The following B3GNT2 variants were observed in gnomAD, a reference collection of about 807,000 sequenced individuals.
B3GNT2 encodes UDP-GlcNAc:betaGal beta-1,3-N-acetylglucosaminyltransferase 2, also known as N-acetyllactosaminide beta-1,3-N-acetylglucosaminyltransferase 2.
In B3GNT2, 12 loss-of-function variants were observed where a neutral mutation model predicts 27.6. The observed-to-expected ratio is 0.44, with a 90% CI of 0.28 to 0.71. The LOEUF (loss-of-function observed/expected upper bound fraction) is 0.71. Ranked by LOEUF, B3GNT2 falls within the 30% of genes least tolerant of loss-of-function variation. The pLI is 0.17. For missense variants in B3GNT2, 413 were observed against 488.5 expected (o/e 0.85, Z 1.46); for synonymous variants, 192 against 189.7 (o/e 1.01, Z -0.10).
At position 62,197,699 on chromosome 2, in the gene B3GNT2, G is replaced by A. The variant is rs113435414; in HGVS notation, c.-10+1344G>A. Among the ~76,000 whole-genome samples, 1,074 of 152,342 alleles carry A rather than the reference G, an allele frequency of 7.0e-3. 11 individuals are homozygous for A. Among genetic ancestry groups the A allele is most frequent in the African/African-American group, 0.024 (1,005 of 41,564 alleles). ...TATAATTATTTGTGCCTCTGGAGGT[G>A]GTAAACGAGGTGGCCGACAGGGCCG... On this transcript the variant is annotated intron_variant, in intron 1 of 1. Transcript: ENST00000301998.
chr2:62,198,788 A>G (rs186832167), intron 1 of B3GNT2, among the ~76,000 whole-genome samples: 27 of 152,292 alleles, frequency 1.8e-4, no homozygotes, highest in Admixed American at 1.6e-3. Context: ...TATACTGTTC[A>G]GATATGTGGT....
intron 1 of B3GNT2, among the ~76,000 whole-genome samples, chr2:62,215,025 A>G (rs1296093613): frequency 2.6e-5 from 4 of 152,096 alleles, no homozygotes; most frequent in African/African-American, 9.7e-5. Flanking sequence ...TTTGAAGAAT[A>G]CTTCTAGTGG....
intron 1 of B3GNT2, among the ~76,000 whole-genome samples, chr2:62,203,994 C>T (rs1674320974): frequency 6.6e-6 from 1 of 152,176 alleles, no homozygotes; most frequent in Non-Finnish European, 1.5e-5. Context: ...GAAGATATTT[C>T]TATGGACCAT....
chr2:62,222,361 G>C lies in B3GNT2; in HGVS notation c.141G>C (p.Lys47Asn). ...GGGAAGTAATAATACCCAAAGAGAA[G>C]TTCTGGAAGATATCTACCCCTCCCG... The part of the protein sequence containing the change: ...GKGEVIIPKE[K>N]FWKISTPPEA... Residue 47 changes from lysine (K) to asparagine (N), a missense_variant, in exon 2 of 2, where the codon AAG becomes AAC. By Grantham distance (94) the Lys-to-Asn change is moderately conservative. Coordinates refer to ENST00000301998, the MANE Select transcript of B3GNT2 (RefSeq NM_006577.6). The surrounding 1 kb of genome is among the most constrained non-coding windows in gnomAD (Gnocchi z 4.2). 1 of 1,614,108 alleles carries C rather than the reference G, an allele frequency of 6.2e-7. No individual in the cohort carries two copies. Among genetic ancestry groups the C allele is most frequent in the Non-Finnish European group, 8.5e-7 (1 of 1,180,022 alleles).
At chr2:62,196,604 A>G (rs1358127998) in intron 1 of B3GNT2, among the ~76,000 whole-genome samples, 3 of 152,116 alleles carry the variant, frequency 2.0e-5, no homozygotes, top group African/African-American at 7.2e-5. Flanking sequence ...ACCCAACCTC[A>G]GCCCAGAGGG....
At chr2:62,207,249 G>T (rs1342891394) in intron 1 of B3GNT2, among the ~76,000 whole-genome samples, 1 of 151,874 alleles carries the variant, frequency 6.6e-6, no homozygotes, top group East Asian at 1.9e-4. Context: ...GCACGATCTG[G>T]GTACACCGCA....
chr2:62,197,460 G>T (rs1674176236), intron 1 of B3GNT2, among the ~76,000 whole-genome samples: 1 of 152,170 alleles, frequency 6.6e-6, no homozygotes, highest in Non-Finnish European at 1.5e-5. Context: ...TGCCCAAAAC[G>T]TAGGGGTGGT....
intron 1 of B3GNT2, among the ~76,000 whole-genome samples, chr2:62,216,604 A>G (rs1401976258): frequency 1.3e-5 from 2 of 151,656 alleles, no homozygotes; most frequent in Non-Finnish European, 2.9e-5. Flanking sequence ...GGGTCTCGCT[A>G]TGTTGCCCAG....
At chr2:62,196,834 C>G (rs1674153353) in intron 1 of B3GNT2, among the ~76,000 whole-genome samples, 1 of 152,012 alleles carries the variant, frequency 6.6e-6, no homozygotes, top group Middle Eastern at 3.4e-3. Context: ...CGCGTGATTC[C>G]TCGCTCGCAC....
chr2:62,197,243 C>T (rs1446061235), intron 1 of B3GNT2, among the ~76,000 whole-genome samples: 2 of 151,994 alleles, frequency 1.3e-5, no homozygotes, highest in African/African-American at 4.8e-5. Flanking sequence ...GCACGGCAGG[C>T]GGACCCTTCT....
intron 1 of B3GNT2, among the ~76,000 whole-genome samples, chr2:62,211,187 C>G (rs1405699011): frequency 6.6e-6 from 1 of 152,104 alleles, no homozygotes; most frequent in Non-Finnish European, 1.5e-5. Context: ...AAAACCCTGT[C>G]TCCACAAAAA....
In B3GNT2 at chr2:62,222,784, G is replaced by T; in HGVS notation, c.564G>T (p.Glu188Asp). Reference protein sequence around the residue: ...RVFLLGQTPPEDNHPDLSDML... With the variant: ...RVFLLGQTPPDDNHPDLSDML... ...TCCTGCTGGGCCAGACACCCCCAGA[G>T]GACAACCACCCCGACCTTTCAGATA... Residue 188 changes from glutamate to aspartate, a missense_variant, in exon 2 of 2, where the codon GAG (glutamate) becomes GAT (aspartate). By Grantham distance (45) the Glu-to-Asp change is conservative (BLOSUM62 2). Coordinates refer to ENST00000301998, the MANE Select transcript of B3GNT2 (RefSeq NM_006577.6). The surrounding 1 kb of genome is among the most constrained non-coding windows in gnomAD (Gnocchi z 4.2). 2 of 1,614,158 alleles carry T rather than the reference G, an allele frequency of 1.2e-6. No individual in the cohort carries two copies. Among genetic ancestry groups the T allele is most frequent in the Non-Finnish European group, 1.7e-6 (2 of 1,180,034 alleles).
At chr2:62,208,307 A>G (rs1320317996) in intron 1 of B3GNT2, among the ~76,000 whole-genome samples, 2 of 149,782 alleles carry the variant, frequency 1.3e-5, no homozygotes, top group African/African-American at 2.5e-5. Flanking sequence ...CACTTGTACA[A>G]GGTCACTTGG....
chr2:62,208,488 G>A (rs755115113), intron 1 of B3GNT2, among the ~76,000 whole-genome samples: 88 of 152,270 alleles, frequency 5.8e-4, no homozygotes, highest in Non-Finnish European at 8.1e-4. Context: ...GTTTTTAGGT[G>A]ATGTACTGCC....
intron 1 of B3GNT2, among the ~76,000 whole-genome samples, chr2:62,218,915 G>C (rs990611912): frequency 1.3e-5 from 2 of 152,200 alleles, no homozygotes; most frequent in East Asian, 1.9e-4. Flanking sequence ...ACGTGGCCTT[G>C]ATTGAGGAAA....
rs142386632 is a variant in B3GNT2 at position 62,223,327 on chromosome 2, T to C, written c.1107T>C (p.Tyr369=). The C allele has an allele frequency of 1.3e-4, 212 of 1,614,050 alleles. No individual in the cohort carries two copies. The highest frequency in any genetic ancestry group is 2.0e-4 in the Admixed American group (12 of 60,014). ...AAAACAAAAATAACATCTGCTCCTATGTAGATCTGATGTTAGTACATAGTA... is the reference window on the plus strand; with the variant it reads ...AAAACAAAAATAACATCTGCTCCTACGTAGATCTGATGTTAGTACATAGTA... The part of the protein sequence containing the change: ...EEKNKNNICS[Y]VDLMLVHSRK... The change falls in exon 2 of 2, where the codon TAT becomes TAC. Residue 369 remains tyrosine (Y), a synonymous_variant. Coordinates refer to ENST00000301998, the MANE Select transcript of B3GNT2 (RefSeq NM_006577.6).
intron 1 of B3GNT2, among the ~76,000 whole-genome samples, chr2:62,212,806 A>C (rs990414883): frequency 7.9e-5 from 12 of 151,950 alleles, no homozygotes; most frequent in Non-Finnish European, 1.6e-4. Context: ...TGTCATATTT[A>C]TTGTATTAAA....
chr2:62,208,808 G>C (rs555509374), intron 1 of B3GNT2, among the ~76,000 whole-genome samples: 1 of 152,286 alleles, frequency 6.6e-6, no homozygotes, highest in East Asian at 1.9e-4. Flanking sequence ...GTAGGCACTA[G>C]AGATGCAGAA....
intron 1 of B3GNT2, among the ~76,000 whole-genome samples, chr2:62,211,601 A>T (rs575298820): frequency 1.3e-5 from 2 of 152,286 alleles, no homozygotes; most frequent in Admixed American, 1.3e-4. Flanking sequence ...TGTTTTAAGT[A>T]GAGGGGACAG....
Sources: gnomAD v4.1 joint callset for allele counts (sites outside exome capture counted in the v4.1 genomes callset) on GRCh38, gnomAD v4.1.1 for gene constraint, Gnocchi (gnomAD v3.1) non-coding constraint, MANE v1.5 for transcripts, NCBI Gene and HGNC (gene_info 2026-07-23, HGNC 2026-07-21) for gene names.